Variants in SSH2 observed in about 807,000 individuals in gnomAD.
SSH2 encodes protein phosphatase Slingshot homolog 2.
A neutral mutation model predicts 135.2 loss-of-function variants in SSH2; 37 were observed. That is an observed-to-expected ratio of 0.27 (90% CI 0.21 to 0.36). The LOEUF (loss-of-function observed/expected upper bound fraction) is 0.36. SSH2 is among the 10% of genes least tolerant of loss of function. The pLI is 1.00. For synonymous variants in SSH2, 628 were observed against 646.2 expected (o/e 0.97, Z 0.43); for missense variants, 1,408 against 1,765.3 (o/e 0.80, Z 3.63).
chr17:29,690,585 G>C (rs1046049134), intron 5 of SSH2, among the ~76,000 whole-genome samples: 2 of 151,934 alleles, frequency 1.3e-5, no homozygotes, highest in African/African-American at 2.4e-5. Context: ...GGTTCCAAAA[G>C]TAGGTAAATA....
intron 5 of SSH2, among the ~76,000 whole-genome samples, chr17:29,694,708 C>G (rs992625299): frequency 6.6e-6 from 1 of 152,074 alleles, no homozygotes; most frequent in Non-Finnish European, 1.5e-5. Context: ...CATGCTAGAT[C>G]TCACCTAACT....
At chr17:29,637,720 T>C (rs972066868) in intron 14 of SSH2, among the ~76,000 whole-genome samples, 1 of 151,762 alleles carries the variant, frequency 6.6e-6, no homozygotes, top group Non-Finnish European at 1.5e-5. Flanking sequence ...AGGGTGAGGA[T>C]GCAGTGAGCT....
intron 3 of SSH2, among the ~76,000 whole-genome samples, chr17:29,743,000 C>G (rs1170167618): frequency 2.0e-5 from 3 of 151,890 alleles, no homozygotes; most frequent in Non-Finnish European, 4.4e-5. Context: ...AGCGTGATAT[C>G]AGCTCACTGC....
chr17:29,746,547 C>CAAAAAAAAAA (rs57217896), intron 3 of SSH2, among the ~76,000 whole-genome samples: 2 of 67,946 alleles, frequency 2.9e-5, no homozygotes, highest in African/African-American at 5.9e-5. Flanking sequence ...GACTCTGTCT[C>CAAAAAAAAAA]AAAAAAAAAA....
chr17:29,869,680 GAC>G (rs2065908484), intron 1 of SSH2, among the ~76,000 whole-genome samples: 1 of 152,184 alleles, frequency 6.6e-6, no homozygotes, highest in Non-Finnish European at 1.5e-5. Flanking sequence ...TTGTGAATAA[GAC>G]CCCCTGATTA....
At chr17:29,730,884 G>A (rs2151186381) in intron 3 of SSH2, among the ~76,000 whole-genome samples, 1 of 152,248 alleles carries the variant, frequency 6.6e-6, no homozygotes, top group African/African-American at 2.4e-5. Flanking sequence ...ATGATAAGGT[G>A]ACTGTTACCT....
intron 1 of SSH2, among the ~76,000 whole-genome samples, chr17:29,903,003 T>C (rs1481252790): frequency 1.9e-4 from 29 of 151,910 alleles, no homozygotes; most frequent in Admixed American, 1.9e-3. Flanking sequence ...TTGGCCAACA[T>C]GGTGAAACCC....
intron 3 of SSH2, among the ~76,000 whole-genome samples, chr17:29,777,953 C>T (rs1260664538): frequency 6.6e-6 from 1 of 151,904 alleles, no homozygotes; most frequent in Non-Finnish European, 1.5e-5. Flanking sequence ...ACTGTCAGCT[C>T]TTTCCCCTCC....
intron 2 of SSH2, among the ~76,000 whole-genome samples, chr17:29,821,929 C>A (rs1250895702): frequency 6.6e-6 from 1 of 152,140 alleles, no homozygotes; most frequent in Non-Finnish European, 1.5e-5. Flanking sequence ...CAGGCCCGAG[C>A]TGCCAAACCA....
chr17:29,710,150 A>G (rs1400463228), intron 3 of SSH2, among the ~76,000 whole-genome samples: 1 of 152,224 alleles, frequency 6.6e-6, no homozygotes, highest in Non-Finnish European at 1.5e-5. Flanking sequence ...AAGCAACAAC[A>G]TACCTGGCCT....
intron 11 of SSH2, 60 bp downstream of exon 11, chr17:29,666,807 T>C: frequency 1.3e-6 from 2 of 1,484,554 alleles, no homozygotes; most frequent in Non-Finnish European, 1.8e-6. Context: ...TAATTACCCC[T>C]GCCCATGAGT....
At chr17:29,846,369 A>G (rs2043133842) in intron 2 of SSH2, among the ~76,000 whole-genome samples, 1 of 152,180 alleles carries the variant, frequency 6.6e-6, no homozygotes, top group African/African-American at 2.4e-5. Context: ...CCATATAAGG[A>G]GACTGGTACA....
chr17:29,829,033 A>G lies in SSH2; in HGVS notation c.144+19816T>C, dbSNP rs1361099877. On this transcript the variant is annotated intron_variant, in intron 2 of 15. Coordinates refer to ENST00000540801, the MANE Select transcript of SSH2 (RefSeq NM_001282129.2). ...ATTTGAGACTAGAGTCCTAAAGTCCATTAGTGTAGGCTAGACAAGTCCACA... is the reference window on the plus strand; with the variant it reads ...ATTTGAGACTAGAGTCCTAAAGTCCGTTAGTGTAGGCTAGACAAGTCCACA... Among the ~76,000 whole-genome samples, 3 of 152,218 alleles carry G rather than the reference A, an allele frequency of 2.0e-5. No individual in the cohort carries two copies. The East Asian group carries it at 5.8e-4, about 29-fold the overall frequency.
intron 2 of SSH2, among the ~76,000 whole-genome samples, chr17:29,842,220 G>A (rs1209999976): frequency 6.6e-6 from 1 of 151,982 alleles, no homozygotes; most frequent in African/African-American, 2.4e-5. Flanking sequence ...CTGGGAGGCC[G>A]AGGCAGGTGG....
intron 1 of SSH2, among the ~76,000 whole-genome samples, chr17:29,872,245 G>A (rs978387429): frequency 1.3e-5 from 2 of 152,130 alleles, no homozygotes; most frequent in African/African-American, 4.8e-5. Context: ...CATGGAATTG[G>A]TGACTATTAT....
At chr17:29,655,965 T>C (rs2036763120) in intron 11 of SSH2, among the ~76,000 whole-genome samples, 1 of 152,176 alleles carries the variant, frequency 6.6e-6, no homozygotes, top group Non-Finnish European at 1.5e-5. Flanking sequence ...TGTATCACAA[T>C]TTGTACCTAT....
chr17:29,894,758 A>T (rs58575982), intron 1 of SSH2, among the ~76,000 whole-genome samples: 63,122 of 151,568 alleles, frequency 0.42, 15,111 homozygotes, highest in East Asian at 0.69. Context: ...ATGGAACCAC[A>T]ATCTACCTAG....
chr17:29,631,469 C>G lies in SSH2; in HGVS notation c.3725G>C (p.Ser1242Thr). The G allele has an allele frequency of 6.2e-7, 1 of 1,614,164 alleles. No individual in the cohort carries two copies. Among genetic ancestry groups the G allele is most frequent in the Non-Finnish European group, 8.5e-7 (1 of 1,180,036 alleles). ...PLPVACRLPH[S>T]SSSENIKSLS... ...ACTCTTTATGTTTTCACTACTAGAG[C>G]TATGTGGGAGTCGACAGGCTACAGG... The change falls in exon 16 of 16, where the codon AGC (serine) becomes ACC (threonine). Residue 1242 changes from serine (S) to threonine (T), a missense_variant. Ser to Thr is a moderately conservative substitution (Grantham distance 58). This residue lies in a region of SSH2 where 1,080 missense variants were observed against 1,144.5 expected (regional missense o/e 0.94). Coordinates refer to ENST00000540801, the MANE Select transcript of SSH2 (RefSeq NM_001282129.2).
In SSH2 at chr17:29,636,133, G is replaced by A. The variant is rs921795464; in HGVS notation, c.2097C>T (p.Ser699=). 10 of 1,614,158 alleles carry A rather than the reference G, an allele frequency of 6.2e-6. No individual in the cohort carries two copies. Among genetic ancestry groups the A allele is most frequent in the Non-Finnish European group, 8.5e-6 (10 of 1,180,022 alleles). The change falls in exon 15 of 16, where the codon TCC becomes TCT. Residue 699 remains serine, a synonymous_variant. Transcript: ENST00000540801. ...LSQETRSRSF[S]HSRMEELGGG... The stretch of plus-strand genomic sequence containing the variant: ...CACCCAGTTCCTCCATCCTTGAATG[G>A]GAAAAAGATCGTGACCGGGTTTCTT...
Sources: allele counts gnomAD v4.1 joint callset (sites outside exome capture counted in the v4.1 genomes callset), GRCh38; gene constraint gnomAD v4.1.1; regional missense constraint gnomAD v4.1.1; transcripts MANE v1.5; gene names NCBI Gene and HGNC (gene_info 2026-07-23, HGNC 2026-07-21).